The following EP400 variants were observed in gnomAD, a reference collection of about 807,000 sequenced individuals.
The protein encoded by EP400 is E1A-binding protein p400.
A neutral mutation model predicts 354.1 loss-of-function variants in EP400; 105 were observed. The ratio of observed to expected loss-of-function variants is 0.30; its 90% confidence interval spans 0.25 to 0.35. The LOEUF is 0.35. Ranked by LOEUF, EP400 falls within the 10% of genes least tolerant of loss-of-function variation. The pLI, the probability that EP400 is intolerant of heterozygous loss-of-function variation, is 1.00. For synonymous variants in EP400, 1,646 were observed against 1,716.9 expected, an observed-to-expected ratio of 0.96 and a Z score of 1.02; for missense variants, 3,280 against 4,121.0, an observed-to-expected ratio of 0.80 and a Z score of 5.59.
rs536233166 is a variant in EP400 at position 131,966,589 on chromosome 12, A to G, written c.1335+4635A>G. On this transcript the variant is annotated intron_variant, in intron 2 of 52. Coordinates refer to ENST00000389561, the MANE Select transcript of EP400 (RefSeq NM_015409.5). ...AAAAAAAAAAAAAAAAAAAAAAAAG[A>G]CCACCCTGTCTCTACTAAAAATTAA... 1.7e-3 allele frequency among the ~76,000 whole-genome samples: 227 copies of G among 133,404 alleles called. 1 individual carries two copies. The highest frequency in any genetic ancestry group is 6.1e-3 in the African/African-American group (194 of 31,944). 87.5% of individuals were successfully genotyped at this position (133,404 alleles called of 152,430 possible). A position where few individuals can be genotyped will look rare whatever the true frequency, so the allele number is the denominator to read the frequency against.
rs752787745 is a variant in EP400, at chr12:131,961,900, A to AGAG, written c.1296_1298dup (p.Glu437dup). 7 of 1,613,132 alleles carry AGAG rather than the reference A, an allele frequency of 4.3e-6. No homozygotes were observed. The South Asian group carries it at 4.4e-5, about 10-fold the overall frequency. On this transcript the variant is annotated inframe_insertion, in exon 2 of 53. Coordinates refer to ENST00000389561, the MANE Select transcript of EP400 (RefSeq NM_015409.5). The stretch of plus-strand genomic sequence containing the variant: ...GGCAGAATGATTTGGACATTGAAGA[A>AGAG]GAGGAGGAGGAGGAGGAAGAGGAGG...
chr12:131,998,061 T>C (rs1593335922), intron 12 of EP400, among the ~76,000 whole-genome samples: 1 of 152,244 alleles, frequency 6.6e-6, no homozygotes, highest in South Asian at 2.1e-4. Flanking sequence ...TCCCCACTGA[T>C]CTTAAGTGCC....
At chr12:131,967,296 G>C (rs575376626) in intron 2 of EP400, among the ~76,000 whole-genome samples, 41 of 151,876 alleles carry the variant, frequency 2.7e-4, no homozygotes, top group African/African-American at 9.9e-4. Context: ...TAGGAGAATT[G>C]CTTGAACCCA....
At chr12:132,003,920 G>T (rs1393369229) in intron 12 of EP400, among the ~76,000 whole-genome samples, 1 of 152,220 alleles carries the variant, frequency 6.6e-6, no homozygotes, top group Non-Finnish European at 1.5e-5. Context: ...CTTGTCCATG[G>T]CATTTGTTGT....
intron 7 of EP400, 93 bp downstream of exon 7, chr12:131,987,983 CTTTTTTTTTTTTTT>C (rs778740521): frequency 1.2e-4 from 32 of 268,720 alleles, no homozygotes; most frequent in Middle Eastern, 9.9e-4. Flanking sequence ...TCCAGACCCA[CTTTTTTTTTTTTTT>C]TTTTTTTTTT....
chr12:131,988,887 T>G (rs954590758), intron 7 of EP400, among the ~76,000 whole-genome samples: 1 of 152,206 alleles, frequency 6.6e-6, no homozygotes, highest in Non-Finnish European at 1.5e-5. Context: ...TTTTCCCCCT[T>G]GCTGTCTTCA....
chr12:131,984,855 C>T (rs551735443), intron 5 of EP400, among the ~76,000 whole-genome samples: 141 of 151,920 alleles, frequency 9.3e-4, no homozygotes, highest in Non-Finnish European at 1.6e-3. Context: ...TGCGCCACCA[C>T]GCCCTACTAG....
intron 2 of EP400, among the ~76,000 whole-genome samples, chr12:131,978,875 A>T (rs571420675): frequency 6.6e-6 from 1 of 152,006 alleles, no homozygotes; most frequent in East Asian, 1.9e-4. Flanking sequence ...TATATATCTC[A>T]CATATTTATA....
Position 131,986,998 on chromosome 12 carries a change from G to A in EP400, c.2223+191G>A, listed in dbSNP as rs148354856. The stretch of plus-strand genomic sequence containing the variant: ...AAGCAGACTCATGGGGGCAGTCTGC[G>A]TTTTTGTGATAAAGCCTGCAGTCTT... On this transcript the variant is annotated intron_variant, in intron 6 of 52. Coordinates refer to ENST00000389561, the MANE Select transcript of EP400 (RefSeq NM_015409.5). Among the ~76,000 whole-genome samples, 1,305 of 152,304 alleles carry A rather than the reference G, an allele frequency of 8.6e-3. 14 individuals carry two copies. The highest frequency in any genetic ancestry group is 0.03 in the African/African-American group (1,254 of 41,564).
At chr12:131,989,378 C>G (rs894704179) in intron 7 of EP400, among the ~76,000 whole-genome samples, 1 of 152,208 alleles carries the variant, frequency 6.6e-6, no homozygotes, top group Non-Finnish European at 1.5e-5. Flanking sequence ...ACGGCGTGTG[C>G]GCAGAGTCCT....
intron 39 of EP400, among the ~76,000 whole-genome samples, chr12:132,047,507 C>T (rs1332981267): frequency 6.6e-6 from 1 of 152,062 alleles, no homozygotes. Flanking sequence ...TTCCGTGATG[C>T]CCCCTGAGCA....
chr12:132,037,551 A>G, intron 30 of EP400, 131 bp from the exon 31 acceptor site: 1 of 713,734 alleles, frequency 1.4e-6, no homozygotes, highest in South Asian at 1.8e-5. Context: ...GTGCCCCACG[A>G]AGGCATGTTC....
At chr12:132,011,296 G>A (rs1893755937) in intron 15 of EP400, among the ~76,000 whole-genome samples, 2 of 152,194 alleles carry the variant, frequency 1.3e-5, no homozygotes, top group South Asian at 4.1e-4. Context: ...GTGCAGCAGC[G>A]CCCTGGGGGC....
intron 45 of EP400, among the ~76,000 whole-genome samples, chr12:132,056,458 A>G (rs1895520563): frequency 6.6e-6 from 1 of 151,846 alleles, no homozygotes; most frequent in Non-Finnish European, 1.5e-5. Flanking sequence ...TTTTCAGTTG[A>G]CCTCAGTAAA....
chr12:132,077,823 A>G lies in EP400; in HGVS notation c.*150A>G, dbSNP rs998466809. ...AAAATAGTGTAATCATTTTATTAAA[A>G]TGCATCCCACACTGCAGGACAAATG... On this transcript the variant is annotated 3_prime_UTR_variant, in exon 53 of 53. Coordinates refer to ENST00000389561, the MANE Select transcript of EP400 (RefSeq NM_015409.5). 5.1e-5 allele frequency: 53 copies of G among 1,040,212 alleles called. No homozygotes were observed. In the African/African-American group the frequency reaches 6.9e-4, roughly 14 times the overall value. 64.4% of individuals were successfully genotyped at this position (1,040,212 alleles called of 1,614,324 possible). A position where few individuals can be genotyped will look rare whatever the true frequency, so the allele number is the denominator to read the frequency against.
chr12:132,004,607 G>C (rs1039783668), intron 12 of EP400, among the ~76,000 whole-genome samples: 3 of 151,928 alleles, frequency 2.0e-5, no homozygotes, highest in African/African-American at 7.3e-5. Context: ...GATTATTTCA[G>C]ATATTTTAAA....
At chr12:131,953,884 A>C (rs1344196122) in intron 1 of EP400, among the ~76,000 whole-genome samples, 2 of 152,140 alleles carry the variant, frequency 1.3e-5, no homozygotes, top group Non-Finnish European at 2.9e-5. Flanking sequence ...AGGCTGAGGC[A>C]GGTGGATCAT....
At chr12:131,964,366 C>T (rs1488762735) in intron 2 of EP400, among the ~76,000 whole-genome samples, 1 of 152,144 alleles carries the variant, frequency 6.6e-6, no homozygotes, top group Non-Finnish European at 1.5e-5. Context: ...ACTCAGGAGG[C>T]TGAGGCAGGA....
At chr12:132,069,668 G>T (rs748557422) in intron 51 of EP400, 27 bp downstream of exon 51, 13 of 1,610,910 alleles carry the variant, frequency 8.1e-6, no homozygotes, top group Non-Finnish European at 1.1e-5. Context: ...GTGAGGGCCC[G>T]AGTGTCAGGA....
Sources: gnomAD v4.1 joint callset for allele counts (sites outside exome capture counted in the v4.1 genomes callset) on GRCh38, gnomAD v4.1.1 for gene constraint, MANE v1.5 for transcripts, NCBI Gene and HGNC (gene_info 2026-07-23, HGNC 2026-07-21) for gene names.